DPYD: variants seen among roughly 807,000 people sequenced by gnomAD.
DPYD encodes the protein dihydropyrimidine dehydrogenase.
Under a neutral mutation model 116.2 loss-of-function variants are expected in DPYD, and 109 were observed. The observed-to-expected ratio is 0.94, with a 90% CI of 0.80 to 1.10. DPYD has a LOEUF of 1.10. DPYD is among the 50% of genes least tolerant of loss of function. The probability of loss-of-function intolerance (pLI) is 0.00; values close to 1 mark genes in which losing one functional copy is unlikely to be tolerated. For synonymous variants in DPYD, 440 were observed against 432.0 expected (o/e 1.02, Z -0.23); for missense variants, 1,302 against 1,254.5 (o/e 1.04, Z -0.57).
At chr1:97,847,244 AC>A (rs1670351640) in intron 2 of DPYD, among the ~76,000 whole-genome samples, 1 of 152,248 alleles carries the variant, frequency 6.6e-6, no homozygotes, top group Non-Finnish European at 1.5e-5. Context: ...TATAATCTCT[AC>A]AAAAACACGT....
intron 8 of DPYD, among the ~76,000 whole-genome samples, chr1:97,654,969 G>A (rs1441986951): frequency 1.3e-5 from 2 of 152,140 alleles, no homozygotes; most frequent in Non-Finnish European, 2.9e-5. Flanking sequence ...ATCAGATCTT[G>A]TGAGACTTAT....
At chr1:97,324,706 A>T (rs1432053802) in intron 16 of DPYD, among the ~76,000 whole-genome samples, 2 of 152,068 alleles carry the variant, frequency 1.3e-5, no homozygotes, top group Non-Finnish European at 2.9e-5. Flanking sequence ...TTCCTCTATA[A>T]ATCATTTAGC....
intron 20 of DPYD, among the ~76,000 whole-genome samples, chr1:97,139,768 G>A (rs1256393248): frequency 6.6e-6 from 1 of 152,152 alleles, no homozygotes; most frequent in Non-Finnish European, 1.5e-5. Flanking sequence ...TCTAAAGGTG[G>A]ATCAGGCAGG....
intron 8 of DPYD, among the ~76,000 whole-genome samples, chr1:97,643,986 G>A (rs971462312): frequency 8.6e-5 from 13 of 152,034 alleles, no homozygotes; most frequent in Non-Finnish European, 1.8e-4. Flanking sequence ...TAATGTAGAT[G>A]AGGGATTGAT....
At chr1:97,215,527 G>A (rs75378770) in intron 19 of DPYD, among the ~76,000 whole-genome samples, 4 of 152,246 alleles carry the variant, frequency 2.6e-5, no homozygotes, top group South Asian at 4.1e-4. Context: ...CTACCTCCCA[G>A]GCTATTCAAA....
At chr1:97,867,255 T>C (rs1671430774) in intron 2 of DPYD, among the ~76,000 whole-genome samples, 1 of 151,840 alleles carries the variant, frequency 6.6e-6, no homozygotes, top group African/African-American at 2.4e-5. Context: ...TTCTAAACTC[T>C]GTCCTAACTC....
chr1:97,443,164 G>A (rs962117088), intron 14 of DPYD, among the ~76,000 whole-genome samples: 7 of 152,006 alleles, frequency 4.6e-5, no homozygotes, highest in African/African-American at 1.7e-4. Context: ...AATTTTGTTA[G>A]GATAAGTGGG....
At chr1:97,359,169 C>T (rs898650339) in intron 16 of DPYD, among the ~76,000 whole-genome samples, 1 of 151,952 alleles carries the variant, frequency 6.6e-6, no homozygotes, top group Admixed American at 6.6e-5. Context: ...GACACATGCA[C>T]AAGCTTCAAT....
At chr1:97,623,228 GTGT>G (rs1396872815) in intron 8 of DPYD, among the ~76,000 whole-genome samples, 1 of 151,956 alleles carries the variant, frequency 6.6e-6, no homozygotes, top group Admixed American at 6.6e-5. Flanking sequence ...AAACTGAGGG[GTGT>G]CCCCCACAAA....
chr1:97,554,180 T>C (rs1651522548), intron 11 of DPYD, among the ~76,000 whole-genome samples: 1 of 152,128 alleles, frequency 6.6e-6, no homozygotes, highest in Non-Finnish European at 1.5e-5. Context: ...GACACATCAC[T>C]AGCAGATGCA....
intron 15 of DPYD, among the ~76,000 whole-genome samples, chr1:97,376,260 C>T (rs996467452): frequency 2.0e-5 from 3 of 152,182 alleles, no homozygotes; most frequent in Non-Finnish European, 4.4e-5. Flanking sequence ...CTACAAATCA[C>T]TTATTTTATG....
At chr1:97,315,433 A>C (rs180777029) in intron 16 of DPYD, among the ~76,000 whole-genome samples, 7 of 151,994 alleles carry the variant, frequency 4.6e-5, no homozygotes, top group African/African-American at 1.7e-4. Context: ...TGTCTGTATC[A>C]GGGTCCAATG....
chr1:97,597,972 A>T (rs973046521), intron 8 of DPYD, among the ~76,000 whole-genome samples: 12 of 152,210 alleles, frequency 7.9e-5, no homozygotes, highest in African/African-American at 1.7e-4. Flanking sequence ...TGTTAAAAAA[A>T]TTACAAAATT....
intron 2 of DPYD, among the ~76,000 whole-genome samples, chr1:97,877,515 G>A (rs1265330596): frequency 1.3e-5 from 2 of 151,948 alleles, no homozygotes; most frequent in East Asian, 1.9e-4. Flanking sequence ...ATATCTGCAT[G>A]CTCTATACAA....
At chr1:97,713,287 C>T (rs1028368473) in intron 5 of DPYD, among the ~76,000 whole-genome samples, 16 of 151,928 alleles carry the variant, frequency 1.1e-4, no homozygotes, top group East Asian at 3.9e-4. Flanking sequence ...AAATTGGCAA[C>T]GAAATAGTAT....
At chr1:97,718,500 T>A (rs982086870) in intron 5 of DPYD, among the ~76,000 whole-genome samples, 3 of 151,998 alleles carry the variant, frequency 2.0e-5, no homozygotes, top group Non-Finnish European at 2.9e-5. Context: ...GATGTCAATA[T>A]CATAATCCAG....
intron 5 of DPYD, among the ~76,000 whole-genome samples, chr1:97,700,478 A>G (rs943784379): frequency 6.6e-6 from 1 of 151,978 alleles, no homozygotes; most frequent in Non-Finnish European, 1.5e-5. Context: ...GGAGGGCTAC[A>G]CTCTACAAGT....
intron 8 of DPYD, among the ~76,000 whole-genome samples, chr1:97,623,521 C>G (rs1656747786): frequency 6.6e-6 from 1 of 151,864 alleles, no homozygotes; most frequent in Admixed American, 6.6e-5. Context: ...GGGTTTGGAT[C>G]AAAGTCATAA....
intron 13 of DPYD, among the ~76,000 whole-genome samples, chr1:97,457,224 T>C (rs576434997): frequency 6.6e-6 from 1 of 152,238 alleles, no homozygotes; most frequent in Admixed American, 6.5e-5. Flanking sequence ...AGACTGAATG[T>C]CTGCTATATG....
Sources: gnomAD v4.1 joint callset for allele counts (sites outside exome capture counted in the v4.1 genomes callset) on GRCh38, gnomAD v4.1.1 for gene constraint, MANE v1.5 for transcripts, NCBI Gene and HGNC (gene_info 2026-07-23, HGNC 2026-07-21) for gene names.